CCDC85C: variants seen among roughly 807,000 people sequenced by gnomAD.
CCDC85C encodes coiled-coil domain-containing protein 85C.
In CCDC85C, 18 loss-of-function variants were observed where a neutral mutation model predicts 38.3. The observed-to-expected ratio is 0.47, with a 90% CI of 0.33 to 0.70. The LOEUF is 0.70. Ranked by LOEUF, CCDC85C falls within the 30% of genes least tolerant of loss-of-function variation. The pLI is 0.03. For missense variants in CCDC85C, 566 were observed against 621.2 expected, an observed-to-expected ratio of 0.91 and a Z score of 0.94; for synonymous variants, 264 against 293.8, an observed-to-expected ratio of 0.90 and a Z score of 1.04.
At chr14:99,578,840 G>A (rs2139973015) in intron 1 of CCDC85C, among the ~76,000 whole-genome samples, 1 of 152,334 alleles carries the variant, frequency 6.6e-6, no homozygotes, top group African/African-American at 2.4e-5. Context: ...GAGTGAGGAT[G>A]TAATAATCTG....
intron 1 of CCDC85C, among the ~76,000 whole-genome samples, chr14:99,595,106 AC>A (rs1473552507): frequency 6.6e-6 from 1 of 151,930 alleles, no homozygotes; most frequent in Non-Finnish European, 1.5e-5. Flanking sequence ...GGCTTCAAAG[AC>A]CCCACCGGCC....
intron 2 of CCDC85C, among the ~76,000 whole-genome samples, chr14:99,530,671 A>C (rs554537180): frequency 3.9e-5 from 6 of 152,270 alleles, no homozygotes; most frequent in Admixed American, 3.9e-4. Flanking sequence ...GCACATGGTC[A>C]GCCAGACCTC....
Position 99,571,345 on chromosome 14 carries a change from G to GTAATAATAATAATAATAATAATAA in CCDC85C, c.793+31798_793+31821dup, listed in dbSNP as rs3070433. Among the ~76,000 whole-genome samples, 10 of 149,916 alleles carry GTAATAATAATAATAATAATAATAA rather than the reference G, an allele frequency of 6.7e-5. 1 individual carries two copies. The highest frequency in any genetic ancestry group is 2.5e-4 in the African/African-American group (10 of 40,536). On this transcript the variant is annotated intron_variant, in intron 1 of 5. Coordinates refer to ENST00000380243, the MANE Select transcript of CCDC85C (RefSeq NM_001144995.2). ...AGCCACAGCAGCAATAGTAGTAGTA[G>GTAATAATAATAATAATAATAATAA]TAATAATAATAATAATAATAATAAT...
intron 2 of CCDC85C, among the ~76,000 whole-genome samples, chr14:99,529,820 G>A (rs1026004427): frequency 2.0e-5 from 3 of 152,218 alleles, no homozygotes; most frequent in African/African-American, 7.2e-5. Flanking sequence ...GGAGGCTGGC[G>A]GAGGCTATGG....
intron 1 of CCDC85C, among the ~76,000 whole-genome samples, chr14:99,599,404 T>C (rs2055176330): frequency 6.6e-6 from 1 of 151,872 alleles, no homozygotes; most frequent in Non-Finnish European, 1.5e-5. Flanking sequence ...GTGCCTGTCG[T>C]GGGGCACAGG....
intron 1 of CCDC85C, among the ~76,000 whole-genome samples, chr14:99,549,287 C>T (rs935860458): frequency 6.6e-6 from 1 of 152,212 alleles, no homozygotes; most frequent in Non-Finnish European, 1.5e-5. Context: ...TCATGTTGTA[C>T]CACTTCCTCC....
chr14:99,552,558 G>T (rs1416112471), intron 1 of CCDC85C, among the ~76,000 whole-genome samples: 2 of 152,246 alleles, frequency 1.3e-5, no homozygotes, highest in African/African-American at 4.8e-5. Flanking sequence ...GGAAGGCCAG[G>T]CACCCTGAAA....
intron 1 of CCDC85C, among the ~76,000 whole-genome samples, chr14:99,540,775 G>C (rs1459162979): frequency 1.3e-5 from 2 of 152,170 alleles, no homozygotes; most frequent in Non-Finnish European, 2.9e-5. Flanking sequence ...CCCTCACCCC[G>C]CCCTCTTCAT....
Position 99,603,235 on chromosome 14 carries a change from G to A in CCDC85C, c.725C>T (p.Ala242Val). The change falls in exon 1 of 6, where the codon GCC becomes GTC. Residue 242 changes from alanine to valine, a missense_variant. Physicochemically the swap from Ala to Val is moderately conservative, Grantham distance 64. Coordinates refer to ENST00000380243, the MANE Select transcript of CCDC85C (RefSeq NM_001144995.2). The surrounding 1 kb of genome is among the most constrained non-coding windows in gnomAD (Gnocchi z 7.5). ...PHKAPDGKAG[A>V]TRRSLDDLSA... Reference sequence around the variant, plus strand: ...CAAGTCGTCCAGGGACCGACGTGTGGCTCCTGCCTTGCCGTCGGGGGCCTT... The same window carrying A: ...CAAGTCGTCCAGGGACCGACGTGTGACTCCTGCCTTGCCGTCGGGGGCCTT... 7.1e-7 allele frequency: 1 copy of A among 1,408,764 alleles called. No homozygotes were observed. The highest frequency in any genetic ancestry group is 1.5e-5 in the South Asian group (1 of 66,586). The allele number at this position is 1,408,764 out of a possible 1,614,324, so 87.3% of individuals were successfully genotyped here. A position where few individuals can be genotyped will look rare whatever the true frequency, so the allele number is the denominator to read the frequency against.
intron 1 of CCDC85C, among the ~76,000 whole-genome samples, chr14:99,599,706 A>G (rs1457315509): frequency 6.6e-6 from 1 of 152,132 alleles, no homozygotes; most frequent in Non-Finnish European, 1.5e-5. Context: ...CCTGGGCAAC[A>G]TAGTGAGATC....
intron 1 of CCDC85C, among the ~76,000 whole-genome samples, chr14:99,537,376 T>C (rs1211666483): frequency 6.6e-6 from 1 of 152,064 alleles, no homozygotes; most frequent in Non-Finnish European, 1.5e-5. Flanking sequence ...GCTTGGGTGC[T>C]ACTGGGGACA....
chr14:99,509,888 C>T lies in CCDC85C; in HGVS notation c.*5358G>A. ...CCAGGGCACAAGGGGGCTTCGGGTG[C>T]TGCCGAGACTGCCTGTAGGTGGTGT... is the stretch of plus-strand genomic sequence containing the variant. On this transcript the variant is annotated 3_prime_UTR_variant, in exon 6 of 6. Transcript: ENST00000380243. 1.9e-6 allele frequency: 1 copy of T among 526,292 alleles called. No individual in the cohort carries two copies. The highest frequency in any genetic ancestry group is 3.3e-6 in the Non-Finnish European group (1 of 298,508). 32.6% of individuals were successfully genotyped at this position (526,292 alleles called of 1,614,324 possible). A position where few individuals can be genotyped will look rare whatever the true frequency, so the allele number is the denominator to read the frequency against.
In CCDC85C at chr14:99,511,411, G is replaced by T. The variant is rs1436857316; in HGVS notation, c.*3835C>A. The T allele has an allele frequency of 1.3e-5, 2 of 152,490 alleles. No homozygotes were observed. Among genetic ancestry groups the T allele is most frequent in the East Asian group, 1.9e-4 (1 of 5,186 alleles). 9.4% of individuals were successfully genotyped at this position (152,490 alleles called of 1,614,324 possible). On this transcript the variant is annotated 3_prime_UTR_variant, in exon 6 of 6. Coordinates refer to ENST00000380243, the MANE Select transcript of CCDC85C (RefSeq NM_001144995.2). ...CTCTTTGCAAATTCCTGTACATAGA[G>T]ATATATTTTTTAAGTGTGAATGTAA...
chr14:99,527,137 C>T (rs1462108120), intron 2 of CCDC85C, among the ~76,000 whole-genome samples: 2 of 152,224 alleles, frequency 1.3e-5, no homozygotes, highest in African/African-American at 2.4e-5. Flanking sequence ...CACGAGGGCA[C>T]GCAGGAGGTT....
chr14:99,549,975 C>A (rs2400685), intron 1 of CCDC85C, among the ~76,000 whole-genome samples: 8 of 152,012 alleles, frequency 5.3e-5, no homozygotes, highest in Non-Finnish European at 1.0e-4. Flanking sequence ...CAGTGTAGTG[C>A]GGGGGAAGAA....
intron 1 of CCDC85C, among the ~76,000 whole-genome samples, chr14:99,557,542 G>C (rs1898035455): frequency 1.3e-5 from 2 of 152,188 alleles, no homozygotes; most frequent in Admixed American, 6.5e-5. Flanking sequence ...GGCTGCATCT[G>C]GCTCTTCACC....
At position 99,533,711 on chromosome 14, in the gene CCDC85C, A is replaced by T. The variant is rs533051495; in HGVS notation, c.867+2304T>A. 6.6e-6 allele frequency among the ~76,000 whole-genome samples: 1 copy of T among 152,294 alleles called. No homozygotes were observed. Among genetic ancestry groups the T allele is most frequent in the South Asian group, 2.1e-4 (1 of 4,828 alleles). ...CTGGTGGGAGCAGGCCTGGGGAGGA[A>T]GAGGTCCCTGGGCAGAGCCAGCCCG... On this transcript the variant is annotated intron_variant, in intron 2 of 5. Transcript: ENST00000380243. The surrounding 1 kb of genome is among the most constrained non-coding windows in gnomAD (Gnocchi z 4.2).
intron 1 of CCDC85C, chr14:99,573,016 C>CCA (rs756595488): frequency 2.8e-6 from 1 of 356,626 alleles, no homozygotes; most frequent in Non-Finnish European, 5.5e-6. Context: ...GCAGGAGACG[C>CCA]CACACATAAA....
At chr14:99,571,756 T>G (rs1025681721) in intron 1 of CCDC85C, among the ~76,000 whole-genome samples, 1 of 152,262 alleles carries the variant, frequency 6.6e-6, no homozygotes, top group East Asian at 1.9e-4. Context: ...TCCGGGCCTT[T>G]GCCAATGTAA....
Sources: allele counts gnomAD v4.1 joint callset (sites outside exome capture counted in the v4.1 genomes callset), GRCh38; gene constraint gnomAD v4.1.1; non-coding constraint Gnocchi (gnomAD v3.1); transcripts MANE v1.5; gene names NCBI Gene and HGNC (gene_info 2026-07-23, HGNC 2026-07-21).